TBR1: variants seen among roughly 807,000 people sequenced by gnomAD.
TBR1 encodes T-box brain transcription factor 1.
In TBR1, 7 loss-of-function variants were observed where a neutral mutation model predicts 60.3. The ratio of observed to expected loss-of-function variants is 0.12; its 90% CI spans 0.07 to 0.22. The LOEUF (loss-of-function observed/expected upper bound fraction) is 0.22, where lower values mean the gene tolerates loss of function less well. Ranked by LOEUF, TBR1 falls within the 10% of genes least tolerant of loss-of-function variation. TBR1 has a pLI of 1.00. For synonymous variants in TBR1, 417 were observed against 409.9 expected (o/e 1.02, Z -0.21); for missense variants, 616 against 936.8 (o/e 0.66, Z 4.47).
At position 161,416,475 on chromosome 2, in the gene TBR1, G is replaced by A; in HGVS notation, c.65G>A (p.Ser22Asn). Residue 22 changes from serine to asparagine, a missense_variant, in exon 1 of 6, where the codon AGC becomes AAC. By Grantham distance (46) the Ser-to-Asn change is conservative (BLOSUM62 1). This residue lies in a region of TBR1 where 211 missense variants were observed against 268.7 expected (regional missense o/e 0.79). Coordinates refer to ENST00000389554, the MANE Select transcript of TBR1 (RefSeq NM_006593.4). The surrounding 1 kb of genome is among the most constrained non-coding windows in gnomAD (Gnocchi z 6.1). ...TCCAAGAAATTTCTCAATGTGAGCA[G>A]CAGCTACCCACATTCAGGCGGATCC... ...MLSKKFLNVS[S>N]SYPHSGGSEL... 6.2e-7 allele frequency: 1 copy of A among 1,613,778 alleles called. No homozygotes were observed. Among genetic ancestry groups the A allele is most frequent in the Non-Finnish European group, 8.5e-7 (1 of 1,179,786 alleles).
chr2:161,419,987 A>G (rs1447323735), intron 4 of TBR1: 6 of 381,662 alleles, frequency 1.6e-5, no homozygotes, highest in Admixed American at 1.3e-4. Flanking sequence ...TATAGGTATC[A>G]TTAATTTAAA....
intron 3 of TBR1, 131 bp from the exon 4 acceptor site, chr2:161,418,761 G>T: frequency 7.9e-7 from 1 of 1,272,318 alleles, no homozygotes; most frequent in East Asian, 2.7e-5. Context: ...GAGTCCCGCG[G>T]TCAGTTAGCC....
Position 161,424,265 on chromosome 2 carries a change from C to A in TBR1, c.*38C>A. ...CGCCCGGCCCCGCCGCGGCCCGGAC[C>A]CCCAGCCAGCCCCTCACAGCTCTTC... On this transcript the variant is annotated 3_prime_UTR_variant, in exon 6 of 6. Coordinates refer to ENST00000389554, the MANE Select transcript of TBR1 (RefSeq NM_006593.4). This position sits in a 1 kb window ranked among gnomAD's most constrained non-coding sequence, Gnocchi z 4.4. The A allele has an allele frequency of 6.6e-7, 1 of 1,508,204 alleles. No homozygotes were observed. Among genetic ancestry groups the A allele is most frequent in the Non-Finnish European group, 8.9e-7 (1 of 1,121,160 alleles). The allele number at this position is 1,508,204 out of a possible 1,614,324, so 93.4% of individuals were successfully genotyped here. A position where few individuals can be genotyped will look rare whatever the true frequency, so the allele number is the denominator to read the frequency against.
chr2:161,422,599 G>C (rs1258197425), intron 5 of TBR1: 2 of 152,228 alleles, frequency 1.3e-5, no homozygotes, highest in African/African-American at 4.8e-5. Flanking sequence ...GCTAGGAAAA[G>C]AAGGTCAGAG....
In TBR1 at chr2:161,423,867, C is replaced by T. The variant is rs760932029; in HGVS notation, c.1689C>T (p.Pro563=). 10 of 1,406,564 alleles carry T rather than the reference C, an allele frequency of 7.1e-6. No homozygotes were observed. The South Asian group carries it at 1.6e-4, about 23-fold the overall frequency. The allele number at this position is 1,406,564 out of a possible 1,614,324, so 87.1% of individuals were successfully genotyped here. A position where few individuals can be genotyped will look rare whatever the true frequency, so the allele number is the denominator to read the frequency against. Residue 563 remains proline, a synonymous_variant, in exon 6 of 6, where the codon CCC becomes CCT. Coordinates refer to ENST00000389554, the MANE Select transcript of TBR1 (RefSeq NM_006593.4). The stretch of plus-strand genomic sequence containing the variant: ...GCACCAAGTCGGGCTCGGTGCTGCC[C>T]TGCTGGCCCAACAGCGCCGCGGCCG... ...YCGTKSGSVL[P]CWPNSAAAAA...
intron 4 of TBR1, chr2:161,419,457 TTCTC>T (rs893919582): frequency 7.9e-5 from 14 of 177,260 alleles, no homozygotes; most frequent in South Asian, 6.5e-4. Context: ...AAAAAAAAAT[TTCTC>T]TCTCTCTCTC....
Position 161,416,435 on chromosome 2 carries a change from CCTT to C in TBR1, c.28_30del (p.Ser10del), listed in dbSNP as rs1559059741. ...TATGCAGCTGGAGCACTGCCTTTCT[CCTT>C]CTATCATGCTCTCCAAGAAATTTCT... is the stretch of plus-strand genomic sequence containing the variant. On this transcript the variant is annotated inframe_deletion, in exon 1 of 6. Transcript: ENST00000389554. The surrounding 1 kb of genome is among the most constrained non-coding windows in gnomAD (Gnocchi z 6.1). The C allele has an allele frequency of 6.2e-7, 1 of 1,604,358 alleles. No homozygotes were observed. Among genetic ancestry groups the C allele is most frequent in the Non-Finnish European group, 8.5e-7 (1 of 1,174,926 alleles).
In TBR1 at chr2:161,424,421, A is replaced by G. The variant is rs1268917132; in HGVS notation, c.*194A>G. 1.4e-5 allele frequency: 9 copies of G among 620,714 alleles called. No homozygotes were observed. Among genetic ancestry groups the G allele is most frequent in the African/African-American group, 1.8e-5 (1 of 54,058 alleles). The allele number at this position is 620,714 out of a possible 1,614,324, so 38.5% of individuals were successfully genotyped here. ...CCTTTTTTGCACAGCAGTCTCTGCA[A>G]TTAGCTCACCGACCTTCAACTTTGC... On this transcript the variant is annotated 3_prime_UTR_variant, in exon 6 of 6. Transcript: ENST00000389554. The surrounding 1 kb of genome is among the most constrained non-coding windows in gnomAD (Gnocchi z 4.4).
At position 161,423,494 on chromosome 2, in the gene TBR1, A is replaced by G; in HGVS notation, c.1316A>G (p.Asn439Ser). 2 of 1,603,742 alleles carry G rather than the reference A, an allele frequency of 1.2e-6. No homozygotes were observed. Among genetic ancestry groups the G allele is most frequent in the East Asian group, 2.3e-5 (1 of 43,812 alleles). ...GSFLQDQFVSNYAKARFHPGA... is the reference protein window; with the variant it reads ...GSFLQDQFVSSYAKARFHPGA... Reference sequence around the variant, plus strand: ...TTCCTGCAGGACCAGTTCGTGAGCAACTACGCCAAGGCCCGCTTCCACCCG... The same window carrying G: ...TTCCTGCAGGACCAGTTCGTGAGCAGCTACGCCAAGGCCCGCTTCCACCCG... The change falls in exon 6 of 6, where the codon AAC becomes AGC. Residue 439 changes from asparagine (N) to serine (S), a missense_variant. Transcript: ENST00000389554.
Position 161,417,706 on chromosome 2 carries a change from T to C in TBR1, c.723T>C (p.Ile241=), listed in dbSNP as rs1368782528. 6.2e-7 allele frequency: 1 copy of C among 1,614,136 alleles called. No individual in the cohort carries two copies. Among genetic ancestry groups the C allele is most frequent in the Non-Finnish European group, 8.5e-7 (1 of 1,180,022 alleles). Residue 241 remains isoleucine, a synonymous_variant, in exon 2 of 6, where the codon ATT becomes ATC. Coordinates refer to ENST00000389554, the MANE Select transcript of TBR1 (RefSeq NM_006593.4). This position sits in a 1 kb window ranked among gnomAD's most constrained non-coding sequence, Gnocchi z 5.3. ...TGTTTCCTTTTTTAAGTTTTAACAT[T>C]TCTGGTCTCGATCCCACGGCTCATT... ...RRMFPFLSFN[I]SGLDPTAHYN...
Position 161,424,002 on chromosome 2 carries a change from C to A in TBR1, c.1824C>A (p.Asp608Glu). 19 of 1,570,962 alleles carry A rather than the reference C, an allele frequency of 1.2e-5. No homozygotes were observed. The highest frequency in any genetic ancestry group is 1.6e-5 in the Non-Finnish European group (19 of 1,158,596). The change falls in exon 6 of 6, where the codon GAC (aspartate) becomes GAA (glutamate). Residue 608 changes from aspartate to glutamate, a missense_variant. Transcript: ENST00000389554. The surrounding 1 kb of genome is among the most constrained non-coding windows in gnomAD (Gnocchi z 4.4). ...PGAAEDAKPK[D>E]LSDSSWIETP... is the part of the protein sequence containing the mutation. ...CCGCCGAGGACGCCAAGCCCAAGGA[C>A]CTGTCCGATTCCAGCTGGATCGAGA...
rs1295928477 is a variant in TBR1, at chr2:161,417,213, C to A, written c.692+111C>A. The stretch of plus-strand genomic sequence containing the variant: ...TTGGGGTCGGGAGCGGAGTGGAAGG[C>A]GCCCTAGAGTTGGCTAGTTTTGGAA... On this transcript the variant is annotated intron_variant, in intron 1 of 5. Coordinates refer to ENST00000389554, the MANE Select transcript of TBR1 (RefSeq NM_006593.4). This position sits in a 1 kb window ranked among gnomAD's most constrained non-coding sequence, Gnocchi z 5.3. 4.3e-6 allele frequency: 5 copies of A among 1,156,472 alleles called. No individual in the cohort carries two copies. The highest frequency in any genetic ancestry group is 3.2e-5 in the South Asian group (2 of 63,480). 71.6% of individuals were successfully genotyped at this position (1,156,472 alleles called of 1,614,324 possible).
In TBR1 at chr2:161,417,964, G is replaced by T. The variant is rs1684158476; in HGVS notation, c.847+134G>T. On this transcript the variant is annotated intron_variant, in intron 2 of 5. Transcript: ENST00000389554. This position sits in a 1 kb window ranked among gnomAD's most constrained non-coding sequence, Gnocchi z 5.3. ...CTTCTAAAAGGAAACGAGGGGGACA[G>T]GGGGACAGACTGAGCTGCGAGAAGG... The T allele has an allele frequency of 5.5e-6, 8 of 1,465,044 alleles. No homozygotes were observed. The highest frequency in any genetic ancestry group is 7.2e-6 in the Non-Finnish European group (8 of 1,108,208). The allele number at this position is 1,465,044 out of a possible 1,614,324, so 90.8% of individuals were successfully genotyped here.
chr2:161,418,815 G>T (rs938445332), intron 3 of TBR1, 77 bp from the exon 4 acceptor site: 3 of 1,526,228 alleles, frequency 2.0e-6, no homozygotes, highest in Non-Finnish European at 2.6e-6. Flanking sequence ...CGGGCGCGCA[G>T]CCGGGCGCAC....
At chr2:161,419,140 C>G in intron 4 of TBR1, 90 bp downstream of exon 4, 1 of 1,581,916 alleles carries the variant, frequency 6.3e-7, no homozygotes, top group Non-Finnish European at 8.6e-7. Context: ...GGCTAGGGTA[C>G]TAGCAGCGCT....
At chr2:161,419,192 A>G in intron 4 of TBR1, 142 bp downstream of exon 4, 1 of 1,261,822 alleles carries the variant, frequency 7.9e-7, no homozygotes, top group Non-Finnish European at 1.1e-6. Flanking sequence ...TTTAAGGCTT[A>G]GGGCTCGGGG....
At chr2:161,418,040 A>G in intron 2 of TBR1, 161 bp from the exon 3 acceptor site, 1 of 1,456,628 alleles carries the variant, frequency 6.9e-7, no homozygotes, top group Non-Finnish European at 9.0e-7. Context: ...ATAGGAAGAA[A>G]GAATGGCCTA....
At chr2:161,418,827 C>T in intron 3 of TBR1, 65 bp from the exon 4 acceptor site, 2 of 1,553,958 alleles carry the variant, frequency 1.3e-6, no homozygotes, top group Non-Finnish European at 1.7e-6. Flanking sequence ...CGGGCGCACA[C>T]AGCCACGCGC....
At position 161,417,130 on chromosome 2, in the gene TBR1, C is replaced by T. The variant is rs1277488856; in HGVS notation, c.692+28C>T. ...AATACTACATTTTTGGCTGCCGCTGCTCTAGGCGCAGCCGGGGACAAGTGC... is the reference window on the plus strand; with the variant it reads ...AATACTACATTTTTGGCTGCCGCTGTTCTAGGCGCAGCCGGGGACAAGTGC... On this transcript the variant is annotated intron_variant, in intron 1 of 5. Transcript: ENST00000389554. This position sits in a 1 kb window ranked among gnomAD's most constrained non-coding sequence, Gnocchi z 5.3. 6.5e-7 allele frequency: 1 copy of T among 1,547,220 alleles called. No homozygotes were observed. The highest frequency in any genetic ancestry group is 2.3e-5 in the East Asian group (1 of 44,286).
Sources: gnomAD v4.1 joint callset for allele counts on GRCh38, gnomAD v4.1.1 for gene constraint, gnomAD v4.1.1 regional missense constraint, Gnocchi (gnomAD v3.1) non-coding constraint, MANE v1.5 for transcripts, NCBI Gene and HGNC (gene_info 2026-07-23, HGNC 2026-07-21) for gene names.